ANGPT1: variants seen among roughly 807,000 people sequenced by gnomAD.
The protein encoded by ANGPT1 is angiopoietin-1.
Under a neutral mutation model 62.2 loss-of-function variants are expected in ANGPT1, and 17 were observed. That is an observed-to-expected ratio of 0.27 (90% CI 0.19 to 0.41). ANGPT1 has a LOEUF of 0.41. ANGPT1 is among the 10% of genes least tolerant of loss of function. ANGPT1 has a pLI of 1.00. For synonymous variants in ANGPT1, 199 were observed against 198.9 expected (o/e 1.00, Z 0.00); for missense variants, 478 against 594.9 (o/e 0.80, Z 2.04).
chr8:107,421,920 T>A (rs572954512), intron 1 of ANGPT1, among the ~76,000 whole-genome samples: 2 of 152,326 alleles, frequency 1.3e-5, no homozygotes, highest in South Asian at 4.1e-4. Flanking sequence ...GGGACATTAT[T>A]ATTTGTAATG....
chr8:107,493,852 T>C lies in ANGPT1; in HGVS notation c.297+3410A>G, dbSNP rs568039657. Among the ~76,000 whole-genome samples, 3 of 150,474 alleles carry C rather than the reference T, an allele frequency of 2.0e-5. No homozygotes were observed. The East Asian group carries it at 6.0e-4, about 30-fold the overall frequency. The stretch of plus-strand genomic sequence containing the variant: ...GGTTTAAAAAAATCGTCATCATCAA[T>C]GTGTTTTGGGTAATAGCATTTCAAA... On this transcript the variant is annotated intron_variant, in intron 1 of 8. Transcript: ENST00000517746.
At chr8:107,342,070 C>G (rs965049341) in intron 2 of ANGPT1, among the ~76,000 whole-genome samples, 1 of 152,032 alleles carries the variant, frequency 6.6e-6, no homozygotes, top group South Asian at 2.1e-4. Flanking sequence ...AAAAGAAAAA[C>G]AAACAAACAA....
intron 1 of ANGPT1, among the ~76,000 whole-genome samples, chr8:107,407,815 G>A (rs1817180296): frequency 6.6e-6 from 1 of 152,156 alleles, no homozygotes; most frequent in Admixed American, 6.5e-5. Flanking sequence ...GGGGAAGGGA[G>A]AAGATCATCA....
chr8:107,340,985 G>A (rs979558997), intron 2 of ANGPT1, among the ~76,000 whole-genome samples: 7 of 152,090 alleles, frequency 4.6e-5, no homozygotes, highest in African/African-American at 1.4e-4. Flanking sequence ...TCAGCATTTT[G>A]CAAAATGATT....
At chr8:107,417,640 G>C (rs1427630807) in intron 1 of ANGPT1, among the ~76,000 whole-genome samples, 1 of 152,070 alleles carries the variant, frequency 6.6e-6, no homozygotes, top group South Asian at 2.1e-4. Context: ...CCTAGGACCA[G>C]TTAAATGGGG....
chr8:107,462,879 A>T (rs1812106786), intron 1 of ANGPT1, among the ~76,000 whole-genome samples: 1 of 152,148 alleles, frequency 6.6e-6, no homozygotes, highest in Non-Finnish European at 1.5e-5. Flanking sequence ...TTGAGTGCCA[A>T]AAGTTAACCT....
At chr8:107,255,155 GAGA>G (rs150847617) in intron 8 of ANGPT1, among the ~76,000 whole-genome samples, 4,565 of 152,194 alleles carry the variant, frequency 0.03, 212 homozygotes, top group African/African-American at 0.1. Flanking sequence ...GTTAAACTAA[GAGA>G]AGAAGAAAAT....
chr8:107,326,699 C>G lies in ANGPT1; in HGVS notation c.576-4571G>C, dbSNP rs532710780. On this transcript the variant is annotated intron_variant, in intron 3 of 8. Coordinates refer to ENST00000517746, the MANE Select transcript of ANGPT1 (RefSeq NM_001146.5). ...CTTATTATCTTATTCTTGTAACACA[C>G]CATTATAGTTATATAGCAATTTGAA... Among the ~76,000 whole-genome samples, 21 of 152,234 alleles carry G rather than the reference C, an allele frequency of 1.4e-4. No individual in the cohort carries two copies. In the East Asian group the frequency reaches 3.9e-3, roughly 28 times the overall value.
chr8:107,297,717 T>C (rs1236978480), intron 5 of ANGPT1, among the ~76,000 whole-genome samples: 1 of 150,554 alleles, frequency 6.6e-6, no homozygotes, highest in Non-Finnish European at 1.5e-5. Flanking sequence ...TCACTAATCT[T>C]TGAGCATGCC....
chr8:107,276,481 A>G (rs1458621288), intron 7 of ANGPT1, among the ~76,000 whole-genome samples: 2 of 152,162 alleles, frequency 1.3e-5, no homozygotes, highest in African/African-American at 4.8e-5. Flanking sequence ...TTTCACTGAA[A>G]GAAAAAAAAA....
intron 1 of ANGPT1, among the ~76,000 whole-genome samples, chr8:107,478,226 G>A (rs1308604374): frequency 8.7e-5 from 13 of 150,192 alleles, no homozygotes; most frequent in African/African-American, 3.2e-4. Flanking sequence ...TCTTTTATTT[G>A]GCCTCAGTCT....
intron 1 of ANGPT1, among the ~76,000 whole-genome samples, chr8:107,420,160 A>T (rs566011353): frequency 6.6e-6 from 1 of 152,294 alleles, no homozygotes; most frequent in Admixed American, 6.5e-5. Flanking sequence ...ATAAGCAATT[A>T]CTTTTTATCT....
intron 7 of ANGPT1, among the ~76,000 whole-genome samples, chr8:107,276,286 T>C (rs1048308654): frequency 6.6e-6 from 1 of 152,160 alleles, no homozygotes; most frequent in Admixed American, 6.6e-5. Flanking sequence ...AAACCTTGAG[T>C]TTGAAAACCT....
At chr8:107,343,855 A>C (rs1815747504) in intron 2 of ANGPT1, among the ~76,000 whole-genome samples, 1 of 152,172 alleles carries the variant, frequency 6.6e-6, no homozygotes, top group African/African-American at 2.4e-5. Flanking sequence ...TCAACCTAGG[A>C]GGTCGAGACC....
At chr8:107,307,047 A>C (rs998357213) in intron 4 of ANGPT1, among the ~76,000 whole-genome samples, 1 of 152,092 alleles carries the variant, frequency 6.6e-6, no homozygotes, top group Non-Finnish European at 1.5e-5. Context: ...GATTTGAAGC[A>C]CGAGTTAAAA....
intron 6 of ANGPT1, among the ~76,000 whole-genome samples, chr8:107,287,962 T>C (rs946114190): frequency 3.9e-5 from 6 of 152,212 alleles, no homozygotes; most frequent in Non-Finnish European, 5.9e-5. Context: ...ATATATGTCA[T>C]AATACACAGT....
intron 5 of ANGPT1, among the ~76,000 whole-genome samples, chr8:107,302,601 A>G (rs1290781338): frequency 2.0e-5 from 3 of 151,968 alleles, no homozygotes; most frequent in Non-Finnish European, 4.4e-5. Context: ...GAAGGCATAG[A>G]TGGATGATTT....
intron 1 of ANGPT1, among the ~76,000 whole-genome samples, chr8:107,447,369 C>T (rs1811649615): frequency 1.3e-5 from 2 of 152,204 alleles, no homozygotes; most frequent in African/African-American, 4.8e-5. Context: ...GAATTATGCA[C>T]TCATGCCTTC....
At chr8:107,400,972 G>A (rs148237954) in intron 1 of ANGPT1, among the ~76,000 whole-genome samples, 71 of 151,808 alleles carry the variant, frequency 4.7e-4, no homozygotes, top group Middle Eastern at 3.4e-3. Context: ...CCTCCACCCC[G>A]CACACACCCC....
Sources: gnomAD v4.1 joint callset for allele counts (sites outside exome capture counted in the v4.1 genomes callset) on GRCh38, gnomAD v4.1.1 for gene constraint, MANE v1.5 for transcripts, NCBI Gene and HGNC (gene_info 2026-07-23, HGNC 2026-07-21) for gene names.